Variants in KALRN observed in about 807,000 individuals in gnomAD.
KALRN encodes kalirin RhoGEF kinase.
KALRN carries 70 observed loss-of-function variants against 353.7 expected under a neutral mutation model. That is an observed-to-expected ratio of 0.20 (90% confidence interval 0.16 to 0.24). The LOEUF (loss-of-function observed/expected upper bound fraction) is 0.24. KALRN is among the 10% of genes least tolerant of loss of function. The pLI is 1.00. For synonymous variants in KALRN, 1,391 were observed against 1,434.8 expected (o/e 0.97, Z 0.69); for missense variants, 2,791 against 3,756.7 (o/e 0.74, Z 6.72).
intron 23 of KALRN, among the ~76,000 whole-genome samples, chr3:124,460,391 A>C (rs1416876772): frequency 6.6e-6 from 1 of 152,340 alleles, no homozygotes; most frequent in Non-Finnish European, 1.5e-5. Flanking sequence ...TGGGGATAGC[A>C]GAGGTAAATT....
chr3:124,542,453 G>A (rs1345448053), intron 33 of KALRN, among the ~76,000 whole-genome samples: 2 of 152,238 alleles, frequency 1.3e-5, no homozygotes, highest in Admixed American at 6.5e-5. Flanking sequence ...TAAGTCCCTC[G>A]AAGCATAAAA....
chr3:124,259,959 C>T (rs1289370192), intron 3 of KALRN, among the ~76,000 whole-genome samples: 8 of 152,174 alleles, frequency 5.3e-5, no homozygotes, highest in Admixed American at 5.2e-4. Context: ...TCCTTCTGCA[C>T]AGTTGGAGGG....
intron 33 of KALRN, among the ~76,000 whole-genome samples, chr3:124,513,296 C>T (rs902585758): frequency 1.3e-5 from 2 of 152,192 alleles, no homozygotes; most frequent in African/African-American, 4.8e-5. Context: ...GCTTCAAATT[C>T]ATGAGACATT....
At chr3:124,339,521 G>A (rs1373635364) in intron 9 of KALRN, among the ~76,000 whole-genome samples, 4 of 152,176 alleles carry the variant, frequency 2.6e-5, no homozygotes, top group African/African-American at 9.7e-5. Flanking sequence ...GTGCCTGCAT[G>A]CTCTCCAGTT....
At chr3:124,386,808 T>C (rs184571478) in intron 11 of KALRN, among the ~76,000 whole-genome samples, 43 of 152,352 alleles carry the variant, frequency 2.8e-4, no homozygotes, top group Admixed American at 1.0e-3. Flanking sequence ...ACTCAAAATA[T>C]ATTACATGAG....
rs557719018 is a variant in KALRN at position 124,723,914 on chromosome 3, A to G, written c.*4444A>G. 11 of 152,340 alleles carry G rather than the reference A, an allele frequency of 7.2e-5. No individual in the cohort carries two copies. The East Asian group carries it at 2.1e-3, about 29-fold the overall frequency. The allele number at this position is 152,340 out of a possible 1,614,324, so 9.4% of individuals were successfully genotyped here. ...AAGTGAGAAGAAAATATCTTCTCAT[A>G]CCACAATTTATTTTTCACAGCCTCA... is the stretch of plus-strand genomic sequence containing the variant. On this transcript the variant is annotated 3_prime_UTR_variant, in exon 60 of 60. Transcript: ENST00000682506.
At chr3:124,432,873 C>T (rs1425385176) in intron 16 of KALRN, among the ~76,000 whole-genome samples, 1 of 152,124 alleles carries the variant, frequency 6.6e-6, no homozygotes, top group Non-Finnish European at 1.5e-5. Context: ...GCCACTTAGT[C>T]TCGAGAGGGC....
In KALRN at chr3:124,697,620, T is replaced by C. The variant is rs574569949; in HGVS notation, c.7727T>C (p.Ile2576Thr). ...QGVPAAPNRP[I>T]AQERSCTSVI... ...GTTCCAGCAGCCCCTAACCGCCCCATTGCCCAGGAGAGAAGCTGCACCTCC... is the reference window on the plus strand; with the variant it reads ...GTTCCAGCAGCCCCTAACCGCCCCACTGCCCAGGAGAGAAGCTGCACCTCC... The change falls in exon 55 of 60, where the codon ATT (isoleucine) becomes ACT (threonine). Residue 2576 changes from isoleucine to threonine, a missense_variant. Transcript: ENST00000682506. The C allele has an allele frequency of 6.2e-6, 10 of 1,611,564 alleles. No individual in the cohort carries two copies. In the South Asian group the frequency reaches 6.6e-5, roughly 11 times the overall value.
intron 1 of KALRN, among the ~76,000 whole-genome samples, chr3:124,051,862 G>A (rs920375329): frequency 5.9e-5 from 9 of 152,238 alleles, no homozygotes; most frequent in Non-Finnish European, 1.0e-4. Context: ...GGCAGAGTCA[G>A]ATGGTTGGGT....
chr3:124,183,069 T>G (rs2073817505), intron 1 of KALRN, among the ~76,000 whole-genome samples: 1 of 152,148 alleles, frequency 6.6e-6, no homozygotes, highest in South Asian at 2.1e-4. Context: ...GAAATAAGGC[T>G]TTCAAGAGGT....
chr3:124,051,909 A>T, intron 1 of KALRN, among the ~76,000 whole-genome samples: 1 of 152,208 alleles, frequency 6.6e-6, no homozygotes, highest in East Asian at 1.9e-4. Context: ...TTTCGGAAGA[A>T]CAGTTGTTAC....
intron 1 of KALRN, among the ~76,000 whole-genome samples, chr3:124,137,957 A>G (rs1328915585): frequency 6.6e-6 from 1 of 152,130 alleles, no homozygotes; most frequent in Non-Finnish European, 1.5e-5. Context: ...GTTTTTGTGG[A>G]TCTGGGAGGA....
chr3:124,414,451 G>A (rs1317535536), intron 14 of KALRN, among the ~76,000 whole-genome samples: 4 of 151,974 alleles, frequency 2.6e-5, no homozygotes, highest in Non-Finnish European at 5.9e-5. Context: ...CTGGTCTTTG[G>A]GTGAGTATAA....
intron 1 of KALRN, among the ~76,000 whole-genome samples, chr3:124,124,829 A>G (rs1431828139): frequency 6.6e-6 from 1 of 152,256 alleles, no homozygotes; most frequent in Non-Finnish European, 1.5e-5. Context: ...ATTGTTTTTT[A>G]GACATGCTAT....
intron 9 of KALRN, among the ~76,000 whole-genome samples, chr3:124,338,231 G>A (rs1036655440): frequency 6.6e-6 from 1 of 152,106 alleles, no homozygotes; most frequent in Non-Finnish European, 1.5e-5. Context: ...TGATGTTACA[G>A]TGTCAATTTT....
At chr3:124,637,324 C>A (rs756679220) in intron 37 of KALRN, 21 bp downstream of exon 37, 3 of 1,567,576 alleles carry the variant, frequency 1.9e-6, no homozygotes, top group East Asian at 2.2e-5. Context: ...GTCCTGGAGG[C>A]AGTTCTGTGT....
intron 9 of KALRN, among the ~76,000 whole-genome samples, chr3:124,337,892 C>T (rs1266449851): frequency 3.9e-5 from 6 of 152,136 alleles, no homozygotes; most frequent in African/African-American, 1.4e-4. Context: ...GGAATTTATC[C>T]ATTTCTTCTA....
intron 9 of KALRN, among the ~76,000 whole-genome samples, chr3:124,345,581 A>G (rs2082178405): frequency 6.6e-6 from 1 of 152,226 alleles, no homozygotes; most frequent in Admixed American, 6.5e-5. Context: ...TACTTAAAAT[A>G]TGTATATTGC....
chr3:124,163,567 T>C (rs769221848), intron 1 of KALRN: 10 of 983,614 alleles, frequency 1.0e-5, no homozygotes, highest in Middle Eastern at 5.2e-4. Flanking sequence ...GACATGAAAA[T>C]ACATGTTTTG....
Sources: allele counts gnomAD v4.1 joint callset (sites outside exome capture counted in the v4.1 genomes callset), GRCh38; gene constraint gnomAD v4.1.1; transcripts MANE v1.5; gene names NCBI Gene and HGNC (gene_info 2026-07-23, HGNC 2026-07-21).